DNAAF3: variants seen among roughly 807,000 people sequenced by gnomAD.
The protein encoded by DNAAF3 is UPF0470 protein C19orf51.
Under a neutral mutation model 50.9 loss-of-function variants are expected in DNAAF3, and 40 were observed. The observed-to-expected ratio is 0.79, with a 90% CI of 0.61 to 1.02. The LOEUF (loss-of-function observed/expected upper bound fraction) is 1.02, where lower values mean the gene tolerates loss of function less well. Ranked by LOEUF, DNAAF3 falls within the 50% of genes least tolerant of loss-of-function variation. DNAAF3 has a pLI of 0.00. For synonymous variants in DNAAF3, 327 were observed against 322.8 expected (o/e 1.01, Z -0.14); for missense variants, 763 against 744.7 (o/e 1.02, Z -0.29).
chr19:55,166,093 G>T lies in DNAAF3; in HGVS notation c.86-93C>A. 6.2e-7 allele frequency: 1 copy of T among 1,603,012 alleles called. No individual in the cohort carries two copies. Among genetic ancestry groups the T allele is most frequent in the Non-Finnish European group, 8.5e-7 (1 of 1,174,832 alleles). On this transcript the variant is annotated intron_variant, in intron 2 of 11. Coordinates refer to ENST00000524407, the MANE Select transcript of DNAAF3 (RefSeq NM_001256715.2). The surrounding 1 kb of genome is among the most constrained non-coding windows in gnomAD (Gnocchi z 4.0). ...AAAAAATGGACTACAAATCCCAGTAGGCGTTCCGCCCGTGGCCTAGGTTCT... is the reference window on the plus strand; with the variant it reads ...AAAAAATGGACTACAAATCCCAGTATGCGTTCCGCCCGTGGCCTAGGTTCT...
chr19:55,160,939 A>G lies in DNAAF3; in HGVS notation c.912+126T>C. ...GGGATGGGGCCTGTTCTCTGAATGG[A>G]GTCGTTCCCACCAAGCGACGGGCGG... is the stretch of plus-strand genomic sequence containing the variant. On this transcript the variant is annotated intron_variant, in intron 8 of 11. Transcript: ENST00000524407. The surrounding 1 kb of genome is among the most constrained non-coding windows in gnomAD (Gnocchi z 4.7). 1 of 1,449,052 alleles carries G rather than the reference A, an allele frequency of 6.9e-7. No individual in the cohort carries two copies. The highest frequency in any genetic ancestry group is 9.1e-7 in the Non-Finnish European group (1 of 1,102,600). The allele number at this position is 1,449,052 out of a possible 1,614,324, so 89.8% of individuals were successfully genotyped here.
chr19:55,163,229 C>T (rs978755282), intron 4 of DNAAF3, among the ~76,000 whole-genome samples: 20 of 151,166 alleles, frequency 1.3e-4, no homozygotes, highest in African/African-American at 4.4e-4. Flanking sequence ...AGGATGGTCT[C>T]GATCTCCTGA....
intron 4 of DNAAF3, among the ~76,000 whole-genome samples, chr19:55,163,023 T>TTTTTTC (rs2085868950): frequency 9.4e-6 from 1 of 106,476 alleles, no homozygotes; most frequent in Non-Finnish European, 1.8e-5. Context: ...TTTTTTTTTT[T>TTTTTTC]TTTTGAGACG....
In DNAAF3 at chr19:55,160,030, G is replaced by C; in HGVS notation, c.1049-17C>G. The C allele has an allele frequency of 6.5e-7, 1 of 1,530,070 alleles. No individual in the cohort carries two copies. The highest frequency in any genetic ancestry group is 1.8e-4 in the Middle Eastern group (1 of 5,596). 94.8% of individuals were successfully genotyped at this position (1,530,070 alleles called of 1,614,324 possible). On this transcript the variant is annotated splice_polypyrimidine_tract_variant and intron_variant, in intron 9 of 11. Coordinates refer to ENST00000524407, the MANE Select transcript of DNAAF3 (RefSeq NM_001256715.2). This position sits in a 1 kb window ranked among gnomAD's most constrained non-coding sequence, Gnocchi z 4.7. ...TCGGGGCTGCTGGGGGAAGGGGATA[G>C]AGGGGTCACCTCTGACAGGCGGAGC...
rs2085934305 is a variant in DNAAF3, at chr19:55,166,116, TC to T, written c.86-117del. ...TAGGCGTTCCGCCCGTGGCCTAGGT[TC>T]TAAGGGGAGGTGTTTCCTCTGAGTA... is the stretch of plus-strand genomic sequence containing the variant. On this transcript the variant is annotated intron_variant, in intron 2 of 11. Transcript: ENST00000524407. This position sits in a 1 kb window ranked among gnomAD's most constrained non-coding sequence, Gnocchi z 4.0. The T allele has an allele frequency of 6.3e-7, 1 of 1,578,610 alleles. No individual in the cohort carries two copies. The highest frequency in any genetic ancestry group is 1.3e-5 in the African/African-American group (1 of 74,150).
At position 55,161,466 on chromosome 19, in the gene DNAAF3, G is replaced by A. The variant is rs377184230; in HGVS notation, c.664-48C>T. 1 of 1,563,998 alleles carries A rather than the reference G, an allele frequency of 6.4e-7. No individual in the cohort carries two copies. Among genetic ancestry groups the A allele is most frequent in the Non-Finnish European group, 8.7e-7 (1 of 1,155,222 alleles). Reference sequence around the variant, plus strand: ...GGGAGCCCTCAGTGAACCGAGCGTGGAGAGACCCCTACACCAGCCTCCCTC... The same window carrying A: ...GGGAGCCCTCAGTGAACCGAGCGTGAAGAGACCCCTACACCAGCCTCCCTC... On this transcript the variant is annotated intron_variant, in intron 6 of 11. Coordinates refer to ENST00000524407, the MANE Select transcript of DNAAF3 (RefSeq NM_001256715.2). The surrounding 1 kb of genome is among the most constrained non-coding windows in gnomAD (Gnocchi z 6.4).
intron 4 of DNAAF3, among the ~76,000 whole-genome samples, chr19:55,164,908 A>T (rs533186476): frequency 1.3e-5 from 2 of 152,154 alleles, no homozygotes; most frequent in East Asian, 3.9e-4. Context: ...CTAAGATGGC[A>T]AATTACATCA....
At position 55,166,234 on chromosome 19, in the gene DNAAF3, C is replaced by G; in HGVS notation, c.85+95G>C. 1 of 1,551,748 alleles carries G rather than the reference C, an allele frequency of 6.4e-7. No homozygotes were observed. The highest frequency in any genetic ancestry group is 8.7e-7 in the Non-Finnish European group (1 of 1,148,022). ...GAGCGTTGGAGAACGTTAGCGCCCC[C>G]CTTGCCACCGACGCTGGGACTACGA... is the stretch of plus-strand genomic sequence containing the variant. On this transcript the variant is annotated intron_variant, in intron 2 of 11. Coordinates refer to ENST00000524407, the MANE Select transcript of DNAAF3 (RefSeq NM_001256715.2). This position sits in a 1 kb window ranked among gnomAD's most constrained non-coding sequence, Gnocchi z 4.0.
rs374186955 is a variant in DNAAF3, at chr19:55,161,196, G to A, written c.790-9C>T. 3.9e-5 allele frequency: 62 copies of A among 1,580,650 alleles called. No homozygotes were observed. The highest frequency in any genetic ancestry group is 2.0e-4 in the Admixed American group (11 of 55,608). ...GCCACGCGCTCCCCACGCTGGAAAA[G>A]GAGGGAGAGAGGAGGCAGGTGAGGT... On this transcript the variant is annotated splice_polypyrimidine_tract_variant and intron_variant, in intron 7 of 11. Coordinates refer to ENST00000524407, the MANE Select transcript of DNAAF3 (RefSeq NM_001256715.2). This position sits in a 1 kb window ranked among gnomAD's most constrained non-coding sequence, Gnocchi z 6.4.
intron 3 of DNAAF3, 84 bp from the exon 4 acceptor site, chr19:55,165,547 C>A: frequency 7.4e-7 from 1 of 1,356,746 alleles, no homozygotes; most frequent in Non-Finnish European, 1.0e-6. Context: ...CCTCAGCTCT[C>A]TCCTTCCACA....
intron 4 of DNAAF3, among the ~76,000 whole-genome samples, chr19:55,165,021 C>CT (rs1164581047): frequency 0.024 from 2,058 of 84,576 alleles, 399 homozygotes; most frequent in Non-Finnish European, 0.03. Context: ...GTTTCGCTCT[C>CT]TTTTTTTTTT....
chr19:55,165,554 C>A, intron 3 of DNAAF3, 91 bp from the exon 4 acceptor site: 1 of 1,283,294 alleles, frequency 7.8e-7, no homozygotes, highest in South Asian at 1.2e-5. Flanking sequence ...TCTCTCCTTC[C>A]ACACACCCGA....
In DNAAF3 at chr19:55,158,994, G is replaced by C; in HGVS notation, c.*68C>G. ...GGACTCTAGCAGCGGACTTAGAATG[G>C]TATCAGCGGGTTCTCATCCTACAAC... On this transcript the variant is annotated 3_prime_UTR_variant, in exon 12 of 12. Coordinates refer to ENST00000524407, the MANE Select transcript of DNAAF3 (RefSeq NM_001256715.2). 1 of 1,494,542 alleles carries C rather than the reference G, an allele frequency of 6.7e-7. No individual in the cohort carries two copies. Among genetic ancestry groups the C allele is most frequent in the East Asian group, 2.3e-5 (1 of 43,938 alleles). The allele number at this position is 1,494,542 out of a possible 1,614,324, so 92.6% of individuals were successfully genotyped here.
Position 55,161,262 on chromosome 19 carries a change from C to A in DNAAF3, c.789+31G>T. On this transcript the variant is annotated intron_variant, in intron 7 of 11. Transcript: ENST00000524407. The surrounding 1 kb of genome is among the most constrained non-coding windows in gnomAD (Gnocchi z 6.4). The stretch of plus-strand genomic sequence containing the variant: ...TGACTCCTAGGACTCCGAGCAGCAG[C>A]AGTGGGCCAGGACAGGCAGTGGACA... 2 of 1,599,590 alleles carry A rather than the reference C, an allele frequency of 1.3e-6. No individual in the cohort carries two copies. The highest frequency in any genetic ancestry group is 8.5e-7 in the Non-Finnish European group (1 of 1,170,112).
intron 3 of DNAAF3, 55 bp from the exon 4 acceptor site, chr19:55,165,518 G>T: frequency 1.9e-6 from 3 of 1,550,928 alleles, no homozygotes; most frequent in Non-Finnish European, 2.7e-6. Flanking sequence ...TGGGTCCTAG[G>T]AGACCCAGGA....
chr19:55,159,108 GC>G lies in DNAAF3; in HGVS notation c.1579del (p.Ala527ProfsTer32). 6.2e-7 allele frequency: 1 copy of G among 1,611,004 alleles called. No individual in the cohort carries two copies. The highest frequency in any genetic ancestry group is 8.5e-7 in the Non-Finnish European group (1 of 1,178,272). On this transcript the variant is annotated frameshift_variant, in exon 12 of 12. Coordinates refer to ENST00000524407, the MANE Select transcript of DNAAF3 (RefSeq NM_001256715.2). LOFTEE classifies it low-confidence loss of function (END_TRUNC). ...TGACTCACAGTTGGGCGGAGCCAAG[GC>G]CCCCTGAGGCTGAGCCAGAACCTCT... is the stretch of plus-strand genomic sequence containing the variant. ...LSEVLAQPQGALAPPNCESDS... is the reference protein window; with the variant it reads ...LSEVLAQPQGXLAPPNCESDS...
rs2085925257 is a variant in DNAAF3 at position 55,165,649 on chromosome 19, C to G, written c.229-186G>C. 6 of 952,138 alleles carry G rather than the reference C, an allele frequency of 6.3e-6. No homozygotes were observed. In the South Asian group the frequency reaches 1.0e-4, roughly 16 times the overall value. 59.0% of individuals were successfully genotyped at this position (952,138 alleles called of 1,614,324 possible). On this transcript the variant is annotated intron_variant, in intron 3 of 11. Coordinates refer to ENST00000524407, the MANE Select transcript of DNAAF3 (RefSeq NM_001256715.2). ...CCTTCCATTACTCAGAAGACCTCAT[C>G]CTCGAGCTCTTCCCCACTATAGAAC...
Position 55,162,255 on chromosome 19 carries a change from C to A in DNAAF3, c.358G>T (p.Ala120Ser). 1.6e-6 allele frequency: 2 copies of A among 1,249,942 alleles called. No individual in the cohort carries two copies. Among genetic ancestry groups the A allele is most frequent in the Non-Finnish European group, 2.0e-6 (2 of 989,428 alleles). The allele number at this position is 1,249,942 out of a possible 1,614,324, so 77.4% of individuals were successfully genotyped here. Reference protein sequence around the residue: ...SETFLEVWGNALLRPPVAAFV... With the variant: ...SETFLEVWGNSLLRPPVAAFV... ...GCGGCCACTGGCGGGCGCAGCAGCG[C>A]GTTCCCCCACACTTCCAGGAAGGTC... Residue 120 changes from alanine (A) to serine (S), a missense_variant, in exon 5 of 12, where the codon GCG becomes TCG. By Grantham distance (99) the Ala-to-Ser change is moderately conservative. Transcript: ENST00000524407.
At position 55,161,765 on chromosome 19, in the gene DNAAF3, G is replaced by A. The variant is rs1342509292; in HGVS notation, c.541C>T (p.Pro181Ser). The A allele has an allele frequency of 4.0e-6, 6 of 1,510,948 alleles. No homozygotes were observed. Among genetic ancestry groups the A allele is most frequent in the Non-Finnish European group, 5.3e-6 (6 of 1,131,000 alleles). 93.6% of individuals were successfully genotyped at this position (1,510,948 alleles called of 1,614,324 possible). ...AGGCGGCTCATGGGGAACGCCTGGG[G>A]CCCTTTCTCGCCGCCAGCCCAGAAG... ...FRFWAGGEKG[P>S]QAFPMSRLWD... is the part of the protein sequence containing the mutation. The change falls in exon 6 of 12, where the codon CCC becomes TCC. Residue 181 changes from proline to serine, a missense_variant. Physicochemically the swap from Pro to Ser is moderately conservative, Grantham distance 74. Coordinates refer to ENST00000524407, the MANE Select transcript of DNAAF3 (RefSeq NM_001256715.2). The surrounding 1 kb of genome is among the most constrained non-coding windows in gnomAD (Gnocchi z 6.4).
Sources: allele counts gnomAD v4.1 joint callset (sites outside exome capture counted in the v4.1 genomes callset), GRCh38; gene constraint gnomAD v4.1.1; non-coding constraint Gnocchi (gnomAD v3.1); transcripts MANE v1.5; gene names NCBI Gene and HGNC (gene_info 2026-07-23, HGNC 2026-07-21).